The following DNAH9 variants were observed in gnomAD, a reference collection of about 807,000 sequenced individuals.
DNAH9 encodes DNAH9 variant protein.
DNAH9 carries 345 observed loss-of-function variants against 471.6 expected under a neutral mutation model. The ratio of observed to expected loss-of-function variants is 0.73; its 90% CI spans 0.67 to 0.80. The LOEUF (loss-of-function observed/expected upper bound fraction) is 0.80, where lower values mean the gene tolerates loss of function less well. Among genes scored for constraint, DNAH9 ranks in the 30% least tolerant of loss-of-function variants. The pLI, the probability that DNAH9 is intolerant of heterozygous loss-of-function variation, is 0.00. For missense variants in DNAH9, 5,407 were observed against 5,609.2 expected (o/e 0.96, Z 1.15); for synonymous variants, 2,093 against 2,123.6 (o/e 0.99, Z 0.40).
At chr17:11,912,322 C>G (rs1307885662) in intron 61 of DNAH9, among the ~76,000 whole-genome samples, 2 of 152,178 alleles carry the variant, frequency 1.3e-5, no homozygotes, top group Non-Finnish European at 1.5e-5. Context: ...CCTAATTACC[C>G]TGGCTAGAAT....
In DNAH9 at chr17:11,871,736, C is replaced by T. The variant is rs200587417; in HGVS notation, c.10192C>T (p.Arg3398Trp). Residue 3398 changes from arginine (R) to tryptophan (W), a missense_variant, in exon 52 of 69, where the codon CGG (arginine) becomes TGG (tryptophan). By Grantham distance (101) the Arg-to-Trp change is moderately radical. This residue lies in a region of DNAH9 where 4,636 missense variants were observed against 4,900.3 expected (regional missense o/e 0.95). Coordinates refer to ENST00000262442, the MANE Select transcript of DNAH9 (RefSeq NM_001372.4). ...SYLGFFTKKY[R>W]QSLLDRTWRP... The stretch of plus-strand genomic sequence containing the variant: ...CCTTGGCTTCTTCACAAAGAAATAC[C>T]GGCAGAGCCTCCTGGACAGAACTTG... The T allele has an allele frequency of 6.8e-6, 11 of 1,614,174 alleles. No homozygotes were observed. The highest frequency in any genetic ancestry group is 2.2e-5 in the East Asian group (1 of 44,890).
intron 36 of DNAH9, among the ~76,000 whole-genome samples, chr17:11,765,235 A>G (rs1440790376): frequency 6.6e-6 from 1 of 152,156 alleles, no homozygotes; most frequent in Non-Finnish European, 1.5e-5. Flanking sequence ...TTCTAGTAAA[A>G]ATATTCAGTT....
At chr17:11,819,979 A>T (rs1970252051) in intron 45 of DNAH9, among the ~76,000 whole-genome samples, 2 of 152,158 alleles carry the variant, frequency 1.3e-5, no homozygotes, top group Non-Finnish European at 2.9e-5. Context: ...CTATATAATG[A>T]TAACAAGAAA....
intron 26 of DNAH9, among the ~76,000 whole-genome samples, chr17:11,712,206 A>T (rs1461555802): frequency 6.9e-6 from 1 of 144,882 alleles, no homozygotes; most frequent in African/African-American, 2.6e-5. Context: ...AAATTTATAT[A>T]ATTTTAAAAA....
Position 11,869,199 on chromosome 17 carries a change from A to ATATT in DNAH9, c.10000_10001insATTT (p.Cys3334TyrfsTer26). On this transcript the variant is annotated frameshift_variant, in exon 51 of 69. Coordinates refer to ENST00000262442, the MANE Select transcript of DNAH9 (RefSeq NM_001372.4). LOFTEE classifies it high-confidence loss of function. ...AGAAAGCAACAGCAGACAAACTCAA[A>ATATT]TGTCAGCAAGAAGCCGAAGTGACCG... 6.2e-7 allele frequency: 1 copy of ATATT among 1,613,798 alleles called. No individual in the cohort carries two copies. The highest frequency in any genetic ancestry group is 2.2e-5 in the East Asian group (1 of 44,866).
intron 17 of DNAH9, among the ~76,000 whole-genome samples, chr17:11,670,666 G>A (rs2073958400): frequency 6.6e-6 from 1 of 151,572 alleles, no homozygotes; most frequent in Non-Finnish European, 1.5e-5. Context: ...CAAGGGTAAT[G>A]TTCAACCACC....
chr17:11,691,116 TGTCAC>T (rs1363665282), intron 20 of DNAH9, among the ~76,000 whole-genome samples: 1 of 152,216 alleles, frequency 6.6e-6, no homozygotes, highest in Non-Finnish European at 1.5e-5. Flanking sequence ...GATTCCAAAA[TGTCAC>T]GGGCTGTCCA....
intron 62 of DNAH9, among the ~76,000 whole-genome samples, chr17:11,929,276 C>T (rs1384324707): frequency 5.9e-5 from 9 of 151,944 alleles, no homozygotes; most frequent in African/African-American, 1.9e-4. Flanking sequence ...CCTCGTGATC[C>T]GCCTGCCTCA....
At chr17:11,613,709 A>G (rs2072683937) in intron 4 of DNAH9, among the ~76,000 whole-genome samples, 1 of 152,196 alleles carries the variant, frequency 6.6e-6, no homozygotes, top group African/African-American at 2.4e-5. Context: ...CATGTTGTCT[A>G]ATTTAGTTGG....
chr17:11,779,062 T>C lies in DNAH9; in HGVS notation c.7553-1947T>C, dbSNP rs180887899. Among the ~76,000 whole-genome samples, 225 of 152,150 alleles carry C rather than the reference T, an allele frequency of 1.5e-3. 1 individual carries two copies. Among genetic ancestry groups the C allele is most frequent in the African/African-American group, 5.2e-3 (215 of 41,520 alleles). ...CAAGTATAAGATGGCAGTGCAATAG[T>C]ATCCAGAGAATGGCCATTCACCCTG... is the stretch of plus-strand genomic sequence containing the variant. On this transcript the variant is annotated intron_variant, in intron 38 of 68. Coordinates refer to ENST00000262442, the MANE Select transcript of DNAH9 (RefSeq NM_001372.4).
chr17:11,694,725 T>G lies in DNAH9; in HGVS notation c.4872+278T>G, dbSNP rs1424581847. Among the ~76,000 whole-genome samples, 5 of 5,586 alleles carry G rather than the reference T, an allele frequency of 9.0e-4. 2 individuals carry two copies. The highest frequency in any genetic ancestry group is 7.1e-3 in the Admixed American group (2 of 280). The allele number at this position is 5,586 out of a possible 152,430, so 3.7% of individuals were successfully genotyped here. Reference sequence around the variant, plus strand: ...TTCTCTCTCTCTCTCTCTCTCTCTCTCTTTCTCTTTCTTTCTTTCTTTCTT... The same window carrying G: ...TTCTCTCTCTCTCTCTCTCTCTCTCGCTTTCTCTTTCTTTCTTTCTTTCTT... On this transcript the variant is annotated intron_variant, in intron 22 of 68. Transcript: ENST00000262442.
intron 61 of DNAH9, among the ~76,000 whole-genome samples, chr17:11,908,354 T>C (rs1382265223): frequency 6.6e-6 from 1 of 152,216 alleles, no homozygotes; most frequent in Non-Finnish European, 1.5e-5. Context: ...AGACACATAG[T>C]GAAGTTTCCA....
intron 35 of DNAH9, among the ~76,000 whole-genome samples, chr17:11,759,680 G>C (rs1438247846): frequency 7.1e-6 from 1 of 141,810 alleles, no homozygotes; most frequent in Non-Finnish European, 1.5e-5. Context: ...GCATTACCAT[G>C]CCCACCTAAT....
At chr17:11,655,635 T>G (rs1176568259) in intron 14 of DNAH9, among the ~76,000 whole-genome samples, 7 of 149,320 alleles carry the variant, frequency 4.7e-5, no homozygotes, top group African/African-American at 1.7e-4. Context: ...ACACACACCA[T>G]GTATATACAT....
At chr17:11,650,926 G>C (rs2073493309) in intron 12 of DNAH9, 143 bp from the exon 13 acceptor site, 4 of 841,110 alleles carry the variant, frequency 4.8e-6, no homozygotes, top group Admixed American at 2.5e-5. Context: ...TCTGAGACTA[G>C]ATTTAAGAAA....
rs780338084 is a variant in DNAH9, at chr17:11,969,382, A to G, written c.13316A>G (p.Lys4439Arg). ...VMFIKAIPADKQDCRSVYSCP... is the reference protein window; with the variant it reads ...VMFIKAIPADRQDCRSVYSCP... ...TTCATCAAGGCCATTCCTGCAGATA[A>G]GCAGGACTGCCGCAGTGTCTATTCC... Residue 4439 changes from lysine to arginine, a missense_variant, in exon 69 of 69, where the codon AAG becomes AGG. Physicochemically the swap from Lys to Arg is conservative, Grantham distance 26 (BLOSUM62 2). Transcript: ENST00000262442. 6.2e-7 allele frequency: 1 copy of G among 1,614,100 alleles called. No homozygotes were observed. The highest frequency in any genetic ancestry group is 8.5e-7 in the Non-Finnish European group (1 of 1,180,012).
rs2150801846 is a variant in DNAH9 at position 11,719,496 on chromosome 17, G to T, written c.5709+6G>T. 6.2e-7 allele frequency: 1 copy of T among 1,606,454 alleles called. No homozygotes were observed. Among genetic ancestry groups the T allele is most frequent in the East Asian group, 2.2e-5 (1 of 44,624 alleles). ...CGGAGCAGATGGATTACAAGGTACA[G>T]TTCCACCCGGCTTCCTGGGGGTGGG... On this transcript the variant is annotated splice_donor_region_variant and intron_variant, in intron 27 of 68. Coordinates refer to ENST00000262442, the MANE Select transcript of DNAH9 (RefSeq NM_001372.4).
intron 50 of DNAH9, among the ~76,000 whole-genome samples, chr17:11,865,343 T>C (rs1208820715): frequency 1.6e-4 from 24 of 151,780 alleles, no homozygotes; most frequent in African/African-American, 2.2e-4. Context: ...TGTTGAATAT[T>C]GGCCCCCACT....
intron 62 of DNAH9, among the ~76,000 whole-genome samples, chr17:11,924,176 A>C (rs773496193): frequency 9.9e-5 from 15 of 152,132 alleles, no homozygotes; most frequent in Non-Finnish European, 1.8e-4. Flanking sequence ...CTCTAGTTTA[A>C]ATAGCTCTAC....
Sources: gnomAD v4.1 joint callset for allele counts (sites outside exome capture counted in the v4.1 genomes callset) on GRCh38, gnomAD v4.1.1 for gene constraint, gnomAD v4.1.1 regional missense constraint, MANE v1.5 for transcripts, NCBI Gene and HGNC (gene_info 2026-07-23, HGNC 2026-07-21) for gene names.